Variants in CNTN4 observed in about 807,000 individuals in gnomAD.
CNTN4 encodes contactin 4.
CNTN4 carries 77 observed loss-of-function variants against 122.5 expected under a neutral mutation model. The observed-to-expected ratio is 0.63, with a 90% CI of 0.52 to 0.76. The LOEUF is 0.76. Ranked by LOEUF, CNTN4 falls within the 30% of genes least tolerant of loss-of-function variation. The probability of loss-of-function intolerance (pLI) is 0.00; values close to 1 mark genes in which losing one functional copy is unlikely to be tolerated. For synonymous variants in CNTN4, 512 were observed against 447.0 expected, an observed-to-expected ratio of 1.15 and a Z score of -1.83; for missense variants, 1,256 against 1,259.1, an observed-to-expected ratio of 1.00 and a Z score of 0.04.
intron 3 of CNTN4, among the ~76,000 whole-genome samples, chr3:2,445,993 A>G (rs1190912459): frequency 6.6e-6 from 1 of 152,152 alleles, no homozygotes; most frequent in Non-Finnish European, 1.5e-5. Context: ...ACCTAGCAGA[A>G]ACTCTACTGT....
chr3:2,661,672 C>T (rs905004154), intron 4 of CNTN4, among the ~76,000 whole-genome samples: 9 of 151,670 alleles, frequency 5.9e-5, no homozygotes, highest in South Asian at 2.1e-4. Context: ...ATTAACCAGG[C>T]GTAGTGGCGG....
intron 4 of CNTN4, among the ~76,000 whole-genome samples, chr3:2,672,573 A>G (rs1178205995): frequency 2.6e-5 from 4 of 152,132 alleles, no homozygotes; most frequent in African/African-American, 7.2e-5. Flanking sequence ...GGGTGAGGCA[A>G]TGCGTCGCCC....
chr3:2,511,415 G>T (rs1255384588), intron 3 of CNTN4: 1 of 152,248 alleles, frequency 6.6e-6, no homozygotes, highest in Non-Finnish European at 1.5e-5. Flanking sequence ...TTTGATTCGT[G>T]TGCTAATTAT....
At position 2,451,169 on chromosome 3, in the gene CNTN4, A is replaced by G. The variant is rs550054050; in HGVS notation, c.-89+111936A>G. Reference sequence around the variant, plus strand: ...GAGAAGAAATATTCCTAAGTAAGGAAGTAAGAGTGACCTTGAAACTAGGTA... The same window carrying G: ...GAGAAGAAATATTCCTAAGTAAGGAGGTAAGAGTGACCTTGAAACTAGGTA... On this transcript the variant is annotated intron_variant, in intron 3 of 24. Coordinates refer to ENST00000418658, the MANE Select transcript of CNTN4 (RefSeq NM_175607.3). Among the ~76,000 whole-genome samples, 39 of 152,360 alleles carry G rather than the reference A, an allele frequency of 2.6e-4. 1 individual carries two copies. The highest frequency in any genetic ancestry group is 8.9e-4 in the African/African-American group (37 of 41,586).
chr3:2,556,012 A>G (rs2078706173), intron 3 of CNTN4, among the ~76,000 whole-genome samples: 1 of 152,194 alleles, frequency 6.6e-6, no homozygotes, highest in Non-Finnish European at 1.5e-5. Context: ...ACAAGAAACC[A>G]AGAGCTACGT....
intron 2 of CNTN4, among the ~76,000 whole-genome samples, chr3:2,312,782 T>G (rs1162151070): frequency 1.3e-5 from 2 of 152,066 alleles, no homozygotes; most frequent in Non-Finnish European, 2.9e-5. Context: ...AAGATGGGTG[T>G]TTTAGGCCCT....
intron 2 of CNTN4, among the ~76,000 whole-genome samples, chr3:2,257,403 C>G (rs1396150916): frequency 6.6e-6 from 1 of 152,114 alleles, no homozygotes; most frequent in Non-Finnish European, 1.5e-5. Flanking sequence ...ACTAAGACAC[C>G]AAAAGCAAAG....
rs765929433 is a variant in CNTN4, at chr3:3,042,293, T to C, written c.2399-17T>C. On this transcript the variant is annotated splice_polypyrimidine_tract_variant and intron_variant, in intron 20 of 24. Transcript: ENST00000418658. ...TATAGCTGATAGAGTAATAACTATC[T>C]CCATATTCATCTACAGAACCCACCA... is the stretch of plus-strand genomic sequence containing the variant. 10 of 1,531,834 alleles carry C rather than the reference T, an allele frequency of 6.5e-6. No individual in the cohort carries two copies. The South Asian group carries it at 1.0e-4, about 15-fold the overall frequency. 94.9% of individuals were successfully genotyped at this position (1,531,834 alleles called of 1,614,324 possible).
chr3:2,314,004 C>G (rs1036549516), intron 2 of CNTN4, among the ~76,000 whole-genome samples: 1 of 151,940 alleles, frequency 6.6e-6, no homozygotes, highest in Non-Finnish European at 1.5e-5. Flanking sequence ...AAACTTTAAA[C>G]TAAAAATACA....
rs143393469 is a variant in CNTN4, at chr3:2,570,598, C to G, written c.-88-818C>G. Among the ~76,000 whole-genome samples the G allele has an allele frequency of 4.4e-3, 670 of 152,222 alleles. 5 individuals carry two copies. Among genetic ancestry groups the G allele is most frequent in the Admixed American group, 6.0e-3 (91 of 15,290 alleles). On this transcript the variant is annotated intron_variant, in intron 3 of 24. Transcript: ENST00000418658. ...CCCCTGCAACCCTGGATCTGTGTTC[C>G]ACATTACCCATCTGCTTGAGCTGAG... is the stretch of plus-strand genomic sequence containing the variant.
In CNTN4 at chr3:2,839,211, T is replaced by C. The variant is rs146223638; in HGVS notation, c.454+19630T>C. On this transcript the variant is annotated intron_variant, in intron 7 of 24. Coordinates refer to ENST00000418658, the MANE Select transcript of CNTN4 (RefSeq NM_175607.3). ...CCAAATCTACAAAGGAATTGCCATA[T>C]GATATAATAGCTAAAGGTGTTTTCA... is the stretch of plus-strand genomic sequence containing the variant. Among the ~76,000 whole-genome samples, 917 of 152,302 alleles carry C rather than the reference T, an allele frequency of 6.0e-3. 12 individuals are homozygous for C. The highest frequency in any genetic ancestry group is 0.022 in the African/African-American group (899 of 41,562).
chr3:2,716,587 A>G (rs941238571), intron 4 of CNTN4, among the ~76,000 whole-genome samples: 2 of 152,148 alleles, frequency 1.3e-5, no homozygotes, highest in South Asian at 2.1e-4. Context: ...GGCTATAATT[A>G]TTATTTTTAT....
chr3:2,998,557 A>G (rs896556616), intron 14 of CNTN4, among the ~76,000 whole-genome samples: 1 of 152,136 alleles, frequency 6.6e-6, no homozygotes, highest in Non-Finnish European at 1.5e-5. Flanking sequence ...TGTTCAAAGT[A>G]CAGAAGGAAC....
At chr3:2,287,879 G>A (rs1017790280) in intron 2 of CNTN4, among the ~76,000 whole-genome samples, 1 of 152,244 alleles carries the variant, frequency 6.6e-6, no homozygotes, top group East Asian at 1.9e-4. Context: ...ATTGTTGCTT[G>A]TATTACATTG....
intron 2 of CNTN4, among the ~76,000 whole-genome samples, chr3:2,180,174 G>T (rs1339785099): frequency 6.6e-6 from 1 of 151,880 alleles, no homozygotes; most frequent in Non-Finnish European, 1.5e-5. Context: ...TCCTAATCTG[G>T]TAAATAATAC....
intron 4 of CNTN4, among the ~76,000 whole-genome samples, chr3:2,639,710 T>C (rs2082819559): frequency 6.6e-6 from 1 of 152,184 alleles, no homozygotes; most frequent in Admixed American, 6.6e-5. Context: ...ATTTGGAAAA[T>C]ATTTAACACA....
At chr3:2,580,313 G>A (rs746674076) in intron 4 of CNTN4, among the ~76,000 whole-genome samples, 5 of 152,052 alleles carry the variant, frequency 3.3e-5, no homozygotes, top group African/African-American at 7.2e-5. Flanking sequence ...TCCATCTGGG[G>A]GCCTGGCAGT....
At chr3:2,736,166 C>G in intron 4 of CNTN4, 49 bp from the exon 5 acceptor site, 1 of 1,586,528 alleles carries the variant, frequency 6.3e-7, no homozygotes, top group Non-Finnish European at 8.6e-7. Flanking sequence ...GTTGTTGTTC[C>G]TATTTGGAAG....
At chr3:2,618,365 T>G (rs1055065650) in intron 4 of CNTN4, among the ~76,000 whole-genome samples, 4 of 152,182 alleles carry the variant, frequency 2.6e-5, no homozygotes, top group African/African-American at 7.2e-5. Flanking sequence ...ATTATACATT[T>G]TGTATATATA....
Sources: gnomAD v4.1 joint callset for allele counts (sites outside exome capture counted in the v4.1 genomes callset) on GRCh38, gnomAD v4.1.1 for gene constraint, MANE v1.5 for transcripts, NCBI Gene and HGNC (gene_info 2026-07-23, HGNC 2026-07-21) for gene names.